Variants in CPED1 observed in about 807,000 individuals in gnomAD.
CPED1 encodes cadherin like and PC-esterase domain containing 1, also known as cadherin-like and PC-esterase domain-containing protein 1.
In CPED1, 114 loss-of-function variants were observed where a neutral mutation model predicts 128.2. That is an observed-to-expected ratio of 0.89 (90% CI 0.76 to 1.04). The LOEUF (loss-of-function observed/expected upper bound fraction) is 1.04, where lower values mean the gene tolerates loss of function less well. Among genes scored for constraint, CPED1 ranks in the 50% least tolerant of loss-of-function variants. The pLI is 0.00. For missense variants in CPED1, 1,211 were observed against 1,207.1 expected (o/e 1.00, Z -0.05); for synonymous variants, 462 against 426.7 (o/e 1.08, Z -1.02).
Position 121,135,403 on chromosome 7 carries a change from A to T in CPED1, c.1649-637A>T, listed in dbSNP as rs199804535. ...TCACCTGGGAAACCTAGCAATTCAG[A>T]TCTACTCAGTCAGAATCTCTGGTGA... On this transcript the variant is annotated intron_variant, in intron 13 of 22. Transcript: ENST00000310396. 1.2e-4 allele frequency among the ~76,000 whole-genome samples: 18 copies of T among 152,118 alleles called. No individual in the cohort carries two copies. The East Asian group carries it at 3.5e-3, about 30-fold the overall frequency.
rs769617999 is a variant in CPED1 at position 121,266,221 on chromosome 7, T to C, written c.2311-6T>C. On this transcript the variant is annotated splice_polypyrimidine_tract_variant and splice_region_variant and intron_variant, in intron 18 of 22. Coordinates refer to ENST00000310396, the MANE Select transcript of CPED1 (RefSeq NM_024913.5). ...TTTAAACAAATGCTTTCTCTTTAAC[T>C]TATAGATTCTGTTCATTGGAGATTC... 6.2e-7 allele frequency: 1 copy of C among 1,601,438 alleles called. No individual in the cohort carries two copies.
At chr7:121,138,319 C>T (rs1489068417) in intron 14 of CPED1, among the ~76,000 whole-genome samples, 1 of 152,002 alleles carries the variant, frequency 6.6e-6, no homozygotes. Flanking sequence ...ACCACCGTAC[C>T]TCGTGCTGGG....
intron 16 of CPED1, among the ~76,000 whole-genome samples, chr7:121,153,928 C>G (rs1796219214): frequency 6.6e-6 from 1 of 152,058 alleles, no homozygotes. Flanking sequence ...ACATGTAGAT[C>G]CTAGTCTATT....
intron 3 of CPED1, among the ~76,000 whole-genome samples, chr7:121,020,769 GA>G (rs1042215149): frequency 2.6e-5 from 4 of 151,838 alleles, no homozygotes; most frequent in African/African-American, 9.7e-5. Flanking sequence ...AGAAATAATA[GA>G]AGTTTTACTC....
intron 5 of CPED1, among the ~76,000 whole-genome samples, chr7:121,075,589 A>T (rs1794103623): frequency 2.0e-5 from 3 of 151,910 alleles, no homozygotes; most frequent in African/African-American, 7.3e-5. Flanking sequence ...CAGCCTCCTG[A>T]GTAGCTGGGA....
intron 22 of CPED1, among the ~76,000 whole-genome samples, chr7:121,290,170 G>A (rs1792666511): frequency 6.6e-6 from 1 of 152,208 alleles, no homozygotes; most frequent in Non-Finnish European, 1.5e-5. Context: ...GTACTCCATG[G>A]TATATACGTG....
At chr7:121,222,388 G>C (rs982654393) in intron 16 of CPED1, among the ~76,000 whole-genome samples, 1 of 152,096 alleles carries the variant, frequency 6.6e-6, no homozygotes. Context: ...GTCAGGTAGC[G>C]TGATGCCTCC....
At chr7:121,012,812 A>G (rs1460655897) in intron 2 of CPED1, among the ~76,000 whole-genome samples, 1 of 152,208 alleles carries the variant, frequency 6.6e-6, no homozygotes, top group Non-Finnish European at 1.5e-5. Context: ...CTATGCTATG[A>G]TGGTTATTAC....
intron 18 of CPED1, among the ~76,000 whole-genome samples, chr7:121,264,655 G>T (rs532410338): frequency 2.9e-4 from 44 of 151,966 alleles, no homozygotes; most frequent in Non-Finnish European, 4.7e-4. Flanking sequence ...TCTGCAGATG[G>T]ACAAATACAG....
intron 4 of CPED1, among the ~76,000 whole-genome samples, chr7:121,049,768 G>A (rs186419009): frequency 1.3e-5 from 2 of 152,284 alleles, no homozygotes; most frequent in Non-Finnish European, 2.9e-5. Flanking sequence ...TGCCTGGAAT[G>A]CTCTTTCTCA....
intron 16 of CPED1, among the ~76,000 whole-genome samples, chr7:121,182,414 C>T (rs1197504367): frequency 6.6e-6 from 1 of 151,792 alleles, no homozygotes; most frequent in Non-Finnish European, 1.5e-5. Context: ...AGCAACCTGC[C>T]TGCCTGCCTT....
At chr7:121,264,605 A>G (rs4731007) in intron 18 of CPED1, among the ~76,000 whole-genome samples, 63,710 of 151,860 alleles carry the variant, frequency 0.42, 13,837 homozygotes, top group Middle Eastern at 0.53. Context: ...TACGCTCACC[A>G]TGGAAAGAGT....
intron 4 of CPED1, among the ~76,000 whole-genome samples, chr7:121,061,680 A>G (rs554850824): frequency 1.3e-5 from 2 of 152,344 alleles, no homozygotes; most frequent in East Asian, 3.9e-4. Context: ...CTCATCATAT[A>G]AAAGTCAGTG....
chr7:121,213,600 ATAAGATGTGAC>A (rs1438205217), intron 16 of CPED1, among the ~76,000 whole-genome samples: 1 of 152,042 alleles, frequency 6.6e-6, no homozygotes, highest in African/African-American at 2.4e-5. Flanking sequence ...ATGAATGTCA[ATAAGATGTGAC>A]TACACAGAGC....
In CPED1 at chr7:121,266,565, G is replaced by A; in HGVS notation, c.2531+118G>A. On this transcript the variant is annotated intron_variant, in intron 19 of 22. Transcript: ENST00000310396. ...ATGTGCTCAAAAGGTTAGATACCAA[G>A]TAAGGCAGCAGAAAACAAGTTGGAA... The A allele has an allele frequency of 4.2e-6, 5 of 1,183,314 alleles. No homozygotes were observed. The South Asian group carries it at 6.4e-5, about 15-fold the overall frequency. The allele number at this position is 1,183,314 out of a possible 1,614,324, so 73.3% of individuals were successfully genotyped here.
intron 6 of CPED1, among the ~76,000 whole-genome samples, chr7:121,099,335 A>T (rs1396925920): frequency 6.6e-6 from 1 of 152,090 alleles, no homozygotes; most frequent in Non-Finnish European, 1.5e-5. Flanking sequence ...TTTATTCTAC[A>T]TACTACCTTT....
chr7:121,251,162 T>C (rs1003426561), intron 18 of CPED1, among the ~76,000 whole-genome samples: 2 of 152,148 alleles, frequency 1.3e-5, no homozygotes, highest in African/African-American at 4.8e-5. Flanking sequence ...TGGTTCAACA[T>C]ATGAAAATCA....
At chr7:121,178,253 C>G (rs140912461) in intron 16 of CPED1, among the ~76,000 whole-genome samples, 16 of 152,206 alleles carry the variant, frequency 1.1e-4, no homozygotes, top group African/African-American at 3.4e-4. Context: ...GAAAAAGCAT[C>G]TAAAAGTTGC....
intron 22 of CPED1, among the ~76,000 whole-genome samples, chr7:121,279,213 C>T (rs1792387704): frequency 6.6e-6 from 1 of 151,908 alleles, no homozygotes; most frequent in Non-Finnish European, 1.5e-5. Context: ...CTTAGTGTGA[C>T]CCAGTTTTTC....
Sources: allele counts gnomAD v4.1 joint callset (sites outside exome capture counted in the v4.1 genomes callset), GRCh38; gene constraint gnomAD v4.1.1; transcripts MANE v1.5; gene names NCBI Gene and HGNC (gene_info 2026-07-23, HGNC 2026-07-21).